Variants in RRP1 observed in about 807,000 individuals in gnomAD.
The protein encoded by RRP1 is ribosomal RNA processing 1.
Under a neutral mutation model 54.6 loss-of-function variants are expected in RRP1, and 37 were observed. That is an observed-to-expected ratio of 0.68 (90% CI 0.52 to 0.89). The LOEUF is 0.89. Ranked by LOEUF, RRP1 falls within the 40% of genes least tolerant of loss-of-function variation. RRP1 has a pLI of 0.00. For synonymous variants in RRP1, 262 were observed against 244.3 expected (o/e 1.07, Z -0.67); for missense variants, 639 against 612.5 (o/e 1.04, Z -0.46).
chr21:43,800,149 T>TTTTTATTTAATTTTA (rs566016022), intron 9 of RRP1, among the ~76,000 whole-genome samples: 7,885 of 152,338 alleles, frequency 0.052, 272 homozygotes, highest in South Asian at 0.15. Context: ...AAAATGTGGC[T>TTTTTATTTAATTTTA]ATCTTGGGTT....
chr21:43,801,971 G>A (rs1009777003), intron 11 of RRP1, among the ~76,000 whole-genome samples: 3 of 151,546 alleles, frequency 2.0e-5, no homozygotes, highest in South Asian at 2.1e-4. Context: ...TGATGCAGAC[G>A]TTCCAAAACA....
chr21:43,791,742 G>A (rs753928766), intron 2 of RRP1, among the ~76,000 whole-genome samples: 9 of 152,120 alleles, frequency 5.9e-5, no homozygotes, highest in Non-Finnish European at 1.0e-4. Flanking sequence ...GAGCTCAAGT[G>A]ATCCTCCCAT....
In RRP1 at chr21:43,789,652, C is replaced by A; in HGVS notation, c.23C>A (p.Pro8Gln). MVSRVQL[P>Q]PEIQLAQRLA... Reference sequence around the variant, plus strand: ...GTCATGGTTTCGCGCGTGCAGCTCCCGCCTGAGATCCAGCTGGCTCAGCGC... The same window carrying A: ...GTCATGGTTTCGCGCGTGCAGCTCCAGCCTGAGATCCAGCTGGCTCAGCGC... The change falls in exon 1 of 13, where the codon CCG becomes CAG. Residue 8 changes from proline (P) to glutamine (Q), a missense_variant. Physicochemically the swap from Pro to Gln is moderately conservative, Grantham distance 76. Coordinates refer to ENST00000497547, the MANE Select transcript of RRP1 (RefSeq NM_003683.6). The A allele has an allele frequency of 6.3e-7, 1 of 1,582,566 alleles. No homozygotes were observed.
Position 43,800,572 on chromosome 21 carries a change from C to T in RRP1, c.947C>T (p.Thr316Ile), listed in dbSNP as rs754874509. 6.2e-7 allele frequency: 1 copy of T among 1,614,264 alleles called. No individual in the cohort carries two copies. The highest frequency in any genetic ancestry group is 1.3e-5 in the African/African-American group (1 of 75,068). ...TTTGAAATGGCCAGCCGCCAGAGCA[C>T]CCCTTCTCAGAACAGAAAGCGTCTC... Reference protein sequence around the residue: ...RLFEMASRQSTPSQNRKRLYK... With the variant: ...RLFEMASRQSIPSQNRKRLYK... The change falls in exon 10 of 13, where the codon ACC becomes ATC. Residue 316 changes from threonine (T) to isoleucine (I), a missense_variant. Thr to Ile is a moderately conservative substitution (Grantham distance 89). Transcript: ENST00000497547.
chr21:43,789,763 G>A lies in RRP1; in HGVS notation c.133+1G>A. 1 of 1,516,156 alleles carries A rather than the reference G, an allele frequency of 6.6e-7. No homozygotes were observed. The highest frequency in any genetic ancestry group is 8.8e-7 in the Non-Finnish European group (1 of 1,130,380). The allele number at this position is 1,516,156 out of a possible 1,614,324, so 93.9% of individuals were successfully genotyped here. ...GTCGCCAGGACTCAGCGGGCCGCAGGTTGGCGGGGGTGTGGGCGGCTGGCG... is the reference window on the plus strand; with the variant it reads ...GTCGCCAGGACTCAGCGGGCCGCAGATTGGCGGGGGTGTGGGCGGCTGGCG... On this transcript the variant is annotated splice_donor_variant, in intron 1 of 12. Coordinates refer to ENST00000497547, the MANE Select transcript of RRP1 (RefSeq NM_003683.6). LOFTEE classifies it high-confidence loss of function.
At chr21:43,802,207 A>G in intron 11 of RRP1, 67 bp from the exon 12 acceptor site, 2 of 1,145,440 alleles carry the variant, frequency 1.7e-6, no homozygotes, top group Non-Finnish European at 2.6e-6. Context: ...GCCTGCTGGA[A>G]GCAGCGAGCC....
Position 43,791,396 on chromosome 21 carries a change from T to C in RRP1, c.180T>C (p.Phe60=), listed in dbSNP as rs1270197095. The C allele has an allele frequency of 6.8e-6, 11 of 1,613,962 alleles. No individual in the cohort carries two copies. The highest frequency in any genetic ancestry group is 6.8e-6 in the Non-Finnish European group (8 of 1,180,002). ...DELLKVWKGL[F]YCMWMQDKPL... is the part of the protein sequence containing the mutation. ...TGCTGAAGGTGTGGAAAGGACTGTT[T>C]TATTGCATGTGGATGCAGGACAAGC... Residue 60 remains phenylalanine, a synonymous_variant, in exon 2 of 13, where the codon TTT becomes TTC. Transcript: ENST00000497547.
At chr21:43,791,048 A>C (rs1234444905) in intron 1 of RRP1, 2 of 509,404 alleles carry the variant, frequency 3.9e-6, no homozygotes, top group African/African-American at 3.8e-5. Flanking sequence ...AGCTTAGGAA[A>C]CCGTCAAGGT....
Position 43,791,403 on chromosome 21 carries a change from A to G in RRP1, c.187A>G (p.Met63Val), listed in dbSNP as rs779207686. 1 of 1,613,982 alleles carries G rather than the reference A, an allele frequency of 6.2e-7. No homozygotes were observed. Among genetic ancestry groups the G allele is most frequent in the Non-Finnish European group, 8.5e-7 (1 of 1,179,972 alleles). Residue 63 changes from methionine (M) to valine (V), a missense_variant, in exon 2 of 13, where the codon ATG (methionine) becomes GTG (valine). Coordinates refer to ENST00000497547, the MANE Select transcript of RRP1 (RefSeq NM_003683.6). ...LKVWKGLFYC[M>V]WMQDKPLLQE... ...GGTGTGGAAAGGACTGTTTTATTGC[A>G]TGTGGATGCAGGACAAGCCACTCCT...
intron 2 of RRP1, among the ~76,000 whole-genome samples, chr21:43,792,146 A>G (rs918420155): frequency 6.6e-6 from 1 of 152,156 alleles, no homozygotes; most frequent in African/African-American, 2.4e-5. Flanking sequence ...TGGTGAGGGT[A>G]CTTAGTTAAG....
chr21:43,790,938 C>T (rs766167227), intron 1 of RRP1: 1 of 448,494 alleles, frequency 2.2e-6, no homozygotes. Context: ...AGTTCACTTT[C>T]TTCTTTTAGT....
Position 43,805,267 on chromosome 21 carries a change from A to G in RRP1, c.*1493A>G, listed in dbSNP as rs529617920. The G allele has an allele frequency of 1.5e-5, 2 of 133,024 alleles. No individual in the cohort carries two copies. Among genetic ancestry groups the G allele is most frequent in the Admixed American group, 1.6e-4 (2 of 12,248 alleles). 8.2% of individuals were successfully genotyped at this position (133,024 alleles called of 1,614,324 possible). A position where few individuals can be genotyped will look rare whatever the true frequency, so the allele number is the denominator to read the frequency against. Reference sequence around the variant, plus strand: ...CTCCAGCCTGGGCAACGAGAGGGAAACTCTGTTTCAAAAAAAAAAAAAAAA... The same window carrying G: ...CTCCAGCCTGGGCAACGAGAGGGAAGCTCTGTTTCAAAAAAAAAAAAAAAA... On this transcript the variant is annotated 3_prime_UTR_variant, in exon 13 of 13. Coordinates refer to ENST00000497547, the MANE Select transcript of RRP1 (RefSeq NM_003683.6).
chr21:43,801,364 C>T (rs961408077), intron 11 of RRP1, among the ~76,000 whole-genome samples: 2 of 152,352 alleles, frequency 1.3e-5, no homozygotes, highest in South Asian at 2.1e-4. Context: ...GTGTCCCTGC[C>T]GGCCTCCAGC....
At position 43,795,176 on chromosome 21, in the gene RRP1, T is replaced by G. The variant is rs752803049; in HGVS notation, c.361-13T>G. 1.4e-4 allele frequency: 219 copies of G among 1,613,668 alleles called. No individual in the cohort carries two copies. The highest frequency in any genetic ancestry group is 1.7e-4 in the Non-Finnish European group (203 of 1,179,760). On this transcript the variant is annotated splice_polypyrimidine_tract_variant and intron_variant, in intron 4 of 12. Coordinates refer to ENST00000497547, the MANE Select transcript of RRP1 (RefSeq NM_003683.6). Reference sequence around the variant, plus strand: ...TGGGCTTCTGCTAATGCCAACCTCCTTCTGTGTCAAAGCTCATGCGGATGG... The same window carrying G: ...TGGGCTTCTGCTAATGCCAACCTCCGTCTGTGTCAAAGCTCATGCGGATGG...
Position 43,799,475 on chromosome 21 carries a change from G to A in RRP1, c.812-95G>A, listed in dbSNP as rs932536034. The stretch of plus-strand genomic sequence containing the variant: ...TGTTTCCCGCCTGTGCCCGTGCTCC[G>A]ACCAGGGTGCACGGAGCGGGCTCTC... On this transcript the variant is annotated intron_variant, in intron 8 of 12. Coordinates refer to ENST00000497547, the MANE Select transcript of RRP1 (RefSeq NM_003683.6). 4.5e-6 allele frequency: 6 copies of A among 1,337,176 alleles called. No individual in the cohort carries two copies. In the Admixed American group the frequency reaches 5.9e-5, roughly 13 times the overall value. 82.8% of individuals were successfully genotyped at this position (1,337,176 alleles called of 1,614,324 possible). A position where few individuals can be genotyped will look rare whatever the true frequency, so the allele number is the denominator to read the frequency against.
At position 43,803,578 on chromosome 21, in the gene RRP1, G is replaced by A. The variant is rs2085114786; in HGVS notation, c.1190G>A (p.Gly397Glu). Reference sequence around the variant, plus strand: ...AAGAGGAGCAGGAGGAGGGGTGTAGGGGCCGACCCCGAGGCGCGGGCAGAG... The same window carrying A: ...AAGAGGAGCAGGAGGAGGGGTGTAGAGGCCGACCCCGAGGCGCGGGCAGAG... ...ERKRSRRRGV[G>E]ADPEARAEAG... The change falls in exon 13 of 13, where the codon GGG (glycine) becomes GAG (glutamate). Residue 397 changes from glycine to glutamate, a missense_variant. Gly to Glu is a moderately conservative substitution (Grantham distance 98). Transcript: ENST00000497547. 1 of 1,554,032 alleles carries A rather than the reference G, an allele frequency of 6.4e-7. No individual in the cohort carries two copies. The highest frequency in any genetic ancestry group is 1.4e-5 in the African/African-American group (1 of 73,278).
At chr21:43,803,361 C>T (rs1053290521) in intron 12 of RRP1, 151 bp from the exon 13 acceptor site, 1 of 1,096,300 alleles carries the variant, frequency 9.1e-7, no homozygotes, top group East Asian at 2.6e-5. Flanking sequence ...GAGCTTGGCG[C>T]CCACACTGGA....
chr21:43,802,437 G>T lies in RRP1; in HGVS notation c.1123+50G>T, dbSNP rs753029590. 1.8e-5 allele frequency: 26 copies of T among 1,481,290 alleles called. No individual in the cohort carries two copies. In the Admixed American group the frequency reaches 2.7e-4, roughly 15 times the overall value. 91.8% of individuals were successfully genotyped at this position (1,481,290 alleles called of 1,614,324 possible). A position where few individuals can be genotyped will look rare whatever the true frequency, so the allele number is the denominator to read the frequency against. On this transcript the variant is annotated intron_variant, in intron 12 of 12. Coordinates refer to ENST00000497547, the MANE Select transcript of RRP1 (RefSeq NM_003683.6). ...ATGGAGCCGGCGTCCTCACCTGCTT[G>T]CTTCTCCCCTGGATGGGGGTCACCT... is the stretch of plus-strand genomic sequence containing the variant.
chr21:43,800,845 C>A lies in RRP1; in HGVS notation c.990-17C>A, dbSNP rs762106236. On this transcript the variant is annotated splice_polypyrimidine_tract_variant and intron_variant, in intron 10 of 12. Coordinates refer to ENST00000497547, the MANE Select transcript of RRP1 (RefSeq NM_003683.6). ...AGCCGCAGCTGTGGTAAGTGGGTAT[C>A]TGTCTTACTCTTTCAGGCTGCAGGA... 2.5e-6 allele frequency: 4 copies of A among 1,613,558 alleles called. No homozygotes were observed. Among genetic ancestry groups the A allele is most frequent in the Non-Finnish European group, 3.4e-6 (4 of 1,180,034 alleles).
Sources: gnomAD v4.1 joint callset for allele counts (sites outside exome capture counted in the v4.1 genomes callset) on GRCh38, gnomAD v4.1.1 for gene constraint, MANE v1.5 for transcripts, NCBI Gene and HGNC (gene_info 2026-07-23, HGNC 2026-07-21) for gene names.